Variants in NRXN3 observed in about 807,000 individuals in gnomAD.
NRXN3 encodes neurexin 3.
Under a neutral mutation model 137.6 loss-of-function variants are expected in NRXN3, and 32 were observed. The ratio of observed to expected loss-of-function variants is 0.23; its 90% CI spans 0.18 to 0.31. The LOEUF is 0.31. NRXN3 is among the 10% of genes least tolerant of loss of function. The pLI is 1.00. For synonymous variants in NRXN3, 798 were observed against 784.5 expected, an observed-to-expected ratio of 1.02 and a Z score of -0.29; for missense variants, 1,574 against 2,062.5, an observed-to-expected ratio of 0.76 and a Z score of 4.59.
chr14:79,482,345 G>A (rs138824568), intron 16 of NRXN3, among the ~76,000 whole-genome samples: 1 of 152,192 alleles, frequency 6.6e-6, no homozygotes, highest in African/African-American at 2.4e-5. Context: ...TATATATTTT[G>A]CAACAGCAGT....
At chr14:79,767,919 C>G (rs556048503) in intron 19 of NRXN3, among the ~76,000 whole-genome samples, 2 of 152,130 alleles carry the variant, frequency 1.3e-5, no homozygotes, top group Admixed American at 6.5e-5. Context: ...GTGCATGCAC[C>G]GTGCGCGAGC....
intron 15 of NRXN3, among the ~76,000 whole-genome samples, chr14:79,298,428 A>C (rs896373170): frequency 1.3e-5 from 2 of 152,118 alleles, no homozygotes; most frequent in African/African-American, 4.8e-5. Context: ...ACAGAAGGCC[A>C]GGTGATCGAG....
At chr14:79,178,058 C>T (rs2062531733) in intron 15 of NRXN3, among the ~76,000 whole-genome samples, 1 of 152,186 alleles carries the variant, frequency 6.6e-6, no homozygotes, top group Non-Finnish European at 1.5e-5. Context: ...AGAGGTGCTC[C>T]ATTGGTATCC....
rs561896244 is a variant in NRXN3 at position 78,616,113 on chromosome 14, A to G, written c.758-29007A>G. Reference sequence around the variant, plus strand: ...CTGACTCACTCAGCTCCTCCAGTGGATTATTTACATAGCAGCCAGAGTGAT... The same window carrying G: ...CTGACTCACTCAGCTCCTCCAGTGGGTTATTTACATAGCAGCCAGAGTGAT... On this transcript the variant is annotated intron_variant, in intron 4 of 20. Transcript: ENST00000335750. Among the ~76,000 whole-genome samples, 4 of 152,306 alleles carry G rather than the reference A, an allele frequency of 2.6e-5. No homozygotes were observed. The South Asian group carries it at 8.3e-4, about 32-fold the overall frequency.
intron 15 of NRXN3, among the ~76,000 whole-genome samples, chr14:79,162,828 C>T (rs991599478): frequency 6.6e-6 from 1 of 151,838 alleles, no homozygotes; most frequent in Non-Finnish European, 1.5e-5. Flanking sequence ...GCTGTGTCTC[C>T]TCTACTCCCC....
chr14:79,281,801 C>T (rs1296551528), intron 15 of NRXN3: 1 of 152,142 alleles, frequency 6.6e-6, no homozygotes, highest in Non-Finnish European at 1.5e-5. Context: ...CTAGGGGGTT[C>T]CTGCCCTTGT....
At chr14:78,622,890 T>A (rs2097420212) in intron 4 of NRXN3, among the ~76,000 whole-genome samples, 1 of 152,246 alleles carries the variant, frequency 6.6e-6, no homozygotes, top group African/African-American at 2.4e-5. Flanking sequence ...GTAACTGATA[T>A]GACTTATTTT....
At chr14:79,269,477 A>G (rs879631140) in intron 15 of NRXN3, among the ~76,000 whole-genome samples, 5 of 152,224 alleles carry the variant, frequency 3.3e-5, no homozygotes, top group Non-Finnish European at 7.3e-5. Context: ...TCTCTTCTGT[A>G]TCTGAGTTTA....
intron 15 of NRXN3, among the ~76,000 whole-genome samples, chr14:79,241,198 T>C (rs2074228431): frequency 6.6e-6 from 1 of 152,082 alleles, no homozygotes; most frequent in African/African-American, 2.4e-5. Flanking sequence ...AAAAATAGCC[T>C]AGGAAAGATC....
At chr14:79,321,264 C>CAAAATCAGTCAAAAGGT (rs1246343148) in intron 15 of NRXN3, among the ~76,000 whole-genome samples, 9 of 152,018 alleles carry the variant, frequency 5.9e-5, no homozygotes, top group Non-Finnish European at 2.9e-5. Flanking sequence ...TGTTAGATTT[C>CAAAATCAGTCAAAAGGT]AAAATCAGTC....
chr14:78,715,224 C>A, intron 8 of NRXN3, 85 bp downstream of exon 8: 1 of 1,471,248 alleles, frequency 6.8e-7, no homozygotes, highest in Non-Finnish European at 9.1e-7. Flanking sequence ...CAAGCCTTCG[C>A]ACCTACCTGC....
At chr14:78,401,375 G>T (rs1414877698) in intron 4 of NRXN3, among the ~76,000 whole-genome samples, 3 of 152,154 alleles carry the variant, frequency 2.0e-5, no homozygotes, top group Non-Finnish European at 4.4e-5. Context: ...ATATTGGCCA[G>T]GCTGATCTTG....
intron 4 of NRXN3, among the ~76,000 whole-genome samples, chr14:78,539,325 T>A (rs975997622): frequency 3.3e-5 from 5 of 152,260 alleles, no homozygotes; most frequent in African/African-American, 1.2e-4. Context: ...ATTCACCTTC[T>A]TCCTGGTTTA....
intron 16 of NRXN3, among the ~76,000 whole-genome samples, chr14:79,609,895 C>T (rs1289453960): frequency 6.6e-6 from 1 of 150,918 alleles, no homozygotes; most frequent in Admixed American, 6.6e-5. Flanking sequence ...GGGAGTTGAA[C>T]AATGAGAAAA....
At chr14:78,656,394 C>CA (rs915476881) in intron 6 of NRXN3, among the ~76,000 whole-genome samples, 6 of 151,892 alleles carry the variant, frequency 4.0e-5, no homozygotes, top group Non-Finnish European at 7.4e-5. Flanking sequence ...AGAGGTGCTC[C>CA]AGGATGAGGG....
chr14:78,717,081 T>A (rs1257632945), intron 8 of NRXN3, among the ~76,000 whole-genome samples: 2 of 152,158 alleles, frequency 1.3e-5, no homozygotes, highest in African/African-American at 2.4e-5. Flanking sequence ...GTGTTGCAGA[T>A]CTTCTGTTGT....
intron 16 of NRXN3, among the ~76,000 whole-genome samples, chr14:79,514,629 A>G (rs748620096): frequency 2.6e-5 from 4 of 152,116 alleles, no homozygotes; most frequent in South Asian, 2.1e-4. Flanking sequence ...GAATTTAATC[A>G]ATTTTAATTT....
intron 10 of NRXN3, among the ~76,000 whole-genome samples, chr14:78,836,354 G>C (rs918775187): frequency 1.3e-5 from 2 of 152,164 alleles, no homozygotes; most frequent in African/African-American, 4.8e-5. Flanking sequence ...TATTCAAAAG[G>C]TTTTCACCTC....
At position 79,266,928 on chromosome 14, in the gene NRXN3, A is replaced by T. The variant is rs540059453; in HGVS notation, c.3263-200293A>T. Among the ~76,000 whole-genome samples the T allele has an allele frequency of 6.6e-5, 10 of 152,320 alleles. No homozygotes were observed. The South Asian group carries it at 2.1e-3, about 32-fold the overall frequency. On this transcript the variant is annotated intron_variant, in intron 15 of 20. Transcript: ENST00000335750. ...TAACACAAAATATTTTTAATCTCTA[A>T]ATTGTAAATTGCTCAAGCACCATGT...
Sources: allele counts gnomAD v4.1 joint callset (sites outside exome capture counted in the v4.1 genomes callset), GRCh38; gene constraint gnomAD v4.1.1; transcripts MANE v1.5; gene names NCBI Gene and HGNC (gene_info 2026-07-23, HGNC 2026-07-21).